CCDC102B: variants seen among roughly 807,000 people sequenced by gnomAD.
CCDC102B encodes the protein coiled-coil domain containing 102B.
A neutral mutation model predicts 57.4 loss-of-function variants in CCDC102B; 75 were observed. That is an observed-to-expected ratio of 1.31 (90% CI 1.08 to 1.58). The LOEUF is 1.58. Ranked by LOEUF, CCDC102B falls within the 40% of genes most tolerant of loss-of-function variation. The pLI, the probability that CCDC102B is intolerant of heterozygous loss-of-function variation, is 0.00. For missense variants in CCDC102B, 636 were observed against 582.6 expected (o/e 1.09, Z -0.94); for synonymous variants, 206 against 201.9 (o/e 1.02, Z -0.17).
At chr18:68,765,508 A>C (rs186000701) in intron 2 of CCDC102B, among the ~76,000 whole-genome samples, 41 of 152,118 alleles carry the variant, frequency 2.7e-4, no homozygotes, top group South Asian at 1.0e-3. Context: ...AGAAAGCAAG[A>C]AAGAAAGAGA....
intron 2 of CCDC102B, among the ~76,000 whole-genome samples, chr18:68,779,142 TAAAC>T (rs1164812809): frequency 2.0e-5 from 3 of 152,026 alleles, no homozygotes; most frequent in Non-Finnish European, 4.4e-5. Context: ...AGTAGCTTGA[TAAAC>T]AAAAAATAAA....
intron 2 of CCDC102B, among the ~76,000 whole-genome samples, chr18:68,730,457 C>G (rs560582573): frequency 6.6e-6 from 1 of 151,968 alleles, no homozygotes; most frequent in Non-Finnish European, 1.5e-5. Context: ...TCCAGGACTC[C>G]GAAGAAATAT....
At chr18:68,814,038 G>A (rs1435868365) in intron 1 of CCDC102B, among the ~76,000 whole-genome samples, 1 of 152,040 alleles carries the variant, frequency 6.6e-6, no homozygotes, top group Admixed American at 6.5e-5. Context: ...AAGGATAGTG[G>A]TGCCTTTTAT....
chr18:68,864,333 C>G (rs928118820), intron 4 of CCDC102B, among the ~76,000 whole-genome samples: 4 of 151,782 alleles, frequency 2.6e-5, no homozygotes, highest in African/African-American at 7.3e-5. Context: ...AAGAAGAAAA[C>G]AAGAAAGGTC....
intron 5 of CCDC102B, among the ~76,000 whole-genome samples, chr18:68,893,632 C>A (rs1038095956): frequency 2.6e-5 from 4 of 152,052 alleles, no homozygotes; most frequent in African/African-American, 9.7e-5. Context: ...GGCTTATGAG[C>A]AAAATGACAC....
At chr18:68,832,881 G>A (rs974766202) in intron 1 of CCDC102B, among the ~76,000 whole-genome samples, 2 of 152,140 alleles carry the variant, frequency 1.3e-5, no homozygotes, top group African/African-American at 4.8e-5. Context: ...CCGACACAGG[G>A]GATGTGGAAG....
chr18:68,746,732 CT>C (rs1264654167), intron 2 of CCDC102B, among the ~76,000 whole-genome samples: 22 of 151,688 alleles, frequency 1.5e-4, no homozygotes, highest in African/African-American at 2.2e-4. Context: ...GGGTTATCAT[CT>C]TTTTTTTTTA....
intron 2 of CCDC102B, among the ~76,000 whole-genome samples, chr18:68,726,780 T>C (rs1159130769): frequency 6.6e-6 from 1 of 152,164 alleles, no homozygotes; most frequent in Non-Finnish European, 1.5e-5. Context: ...ATCCTGATGA[T>C]TCTATGATTA....
chr18:68,757,610 T>C (rs1379128021), intron 2 of CCDC102B, among the ~76,000 whole-genome samples: 2 of 152,194 alleles, frequency 1.3e-5, no homozygotes, highest in African/African-American at 2.4e-5. Context: ...TTGCCAGATA[T>C]TATTTCCCTT....
intron 6 of CCDC102B, among the ~76,000 whole-genome samples, chr18:68,941,429 T>G (rs2049377909): frequency 6.6e-6 from 1 of 152,060 alleles, no homozygotes. Context: ...ATTTATTTTT[T>G]TCCAAACATT....
At chr18:68,819,124 T>C (rs929422174) in intron 1 of CCDC102B, among the ~76,000 whole-genome samples, 1 of 152,180 alleles carries the variant, frequency 6.6e-6, no homozygotes, top group Non-Finnish European at 1.5e-5. Context: ...AAATACTTTT[T>C]ATAAATATTT....
chr18:68,966,967 G>GGAGAGATGGTGATTGTTCAATA (rs1200694367), intron 6 of CCDC102B, among the ~76,000 whole-genome samples: 1 of 152,126 alleles, frequency 6.6e-6, no homozygotes, highest in Non-Finnish European at 1.5e-5. Flanking sequence ...AGGGGAGGTA[G>GGAGAGATGGTGATTGTTCAATA]GAGAGATGGT....
At position 68,736,490 on chromosome 18, in the gene CCDC102B, C is replaced by T. The variant is rs543369353; in HGVS notation, c.-67+19896C>T. Among the ~76,000 whole-genome samples, 121 of 152,286 alleles carry T rather than the reference C, an allele frequency of 7.9e-4. 2 individuals carry two copies. In the South Asian group the frequency reaches 0.021, roughly 26 times the overall value. On this transcript the variant is annotated intron_variant, in intron 2 of 3. Transcript: ENST00000578970. Reference sequence around the variant, plus strand: ...AACCATTATTAATGTTGTTGCCTTGCACCGCGCACATCTTTATATCATTGT... The same window carrying T: ...AACCATTATTAATGTTGTTGCCTTGTACCGCGCACATCTTTATATCATTGT...
Position 68,958,509 on chromosome 18 carries a change from G to T in CCDC102B, c.1264-52425G>T, listed in dbSNP as rs550322917. Reference sequence around the variant, plus strand: ...TTAACTTCAGATAGCTAGTATTATGGTGAAGAATTTTGCATCAATCATCAT... The same window carrying T: ...TTAACTTCAGATAGCTAGTATTATGTTGAAGAATTTTGCATCAATCATCAT... On this transcript the variant is annotated intron_variant, in intron 6 of 7. Coordinates refer to ENST00000360242, the MANE Select transcript of CCDC102B (RefSeq NM_024781.3). Among the ~76,000 whole-genome samples the T allele has an allele frequency of 2.0e-5, 3 of 152,118 alleles. 1 individual carries two copies.
In CCDC102B at chr18:68,896,507, T is replaced by C. The variant is rs573181900; in HGVS notation, c.1054-712T>C. Among the ~76,000 whole-genome samples, 7 of 152,070 alleles carry C rather than the reference T, an allele frequency of 4.6e-5. No individual in the cohort carries two copies. In the South Asian group the frequency reaches 1.2e-3, roughly 27 times the overall value. The stretch of plus-strand genomic sequence containing the variant: ...AGTAACTATTTTGGGCTTTACTACC[T>C]ATATGGTCTCTCTCTCAACAGCTTA... On this transcript the variant is annotated intron_variant, in intron 5 of 7. Coordinates refer to ENST00000360242, the MANE Select transcript of CCDC102B (RefSeq NM_024781.3).
intron 2 of CCDC102B, among the ~76,000 whole-genome samples, chr18:68,740,371 T>C (rs2033328308): frequency 6.6e-6 from 1 of 152,228 alleles, no homozygotes; most frequent in African/African-American, 2.4e-5. Context: ...ACAAAATCTT[T>C]GTTTCCTCGA....
intron 6 of CCDC102B, among the ~76,000 whole-genome samples, chr18:68,956,587 TTA>T (rs1227188382): frequency 8.2e-5 from 4 of 49,068 alleles, no homozygotes; most frequent in Non-Finnish European, 1.0e-4. Context: ...TATATAAATA[TTA>T]TATATATATT....
intron 7 of CCDC102B, among the ~76,000 whole-genome samples, chr18:69,038,382 C>T (rs968797494): frequency 7.2e-5 from 11 of 151,776 alleles, no homozygotes; most frequent in African/African-American, 1.5e-4. Context: ...ATTTGTCATA[C>T]GTTCCAATAC....
At chr18:68,883,078 A>T (rs1233280743) in intron 5 of CCDC102B, among the ~76,000 whole-genome samples, 1 of 152,134 alleles carries the variant, frequency 6.6e-6, no homozygotes, top group East Asian at 1.9e-4. Context: ...CCCCCATGAC[A>T]CATGTTTACT....
Sources: allele counts gnomAD v4.1 joint callset (sites outside exome capture counted in the v4.1 genomes callset), GRCh38; gene constraint gnomAD v4.1.1; transcripts MANE v1.5; gene names NCBI Gene and HGNC (gene_info 2026-07-23, HGNC 2026-07-21).